PTPN1: variants seen among roughly 807,000 people sequenced by gnomAD.
PTPN1 encodes protein tyrosine phosphatase non-receptor type 1, also known as tyrosine-protein phosphatase non-receptor type 1.
Under a neutral mutation model 59.9 loss-of-function variants are expected in PTPN1, and 12 were observed. The ratio of observed to expected loss-of-function variants is 0.20; its 90% CI spans 0.13 to 0.32. PTPN1 has a LOEUF of 0.32. Ranked by LOEUF, PTPN1 falls within the 10% of genes least tolerant of loss-of-function variation. PTPN1 has a pLI of 1.00. For missense variants in PTPN1, 356 were observed against 549.2 expected, an observed-to-expected ratio of 0.65 and a Z score of 3.52; for synonymous variants, 178 against 203.6, an observed-to-expected ratio of 0.87 and a Z score of 1.07.
At chr20:50,514,790 T>C (rs1452348640) in intron 1 of PTPN1, among the ~76,000 whole-genome samples, 1 of 152,238 alleles carries the variant, frequency 6.6e-6, no homozygotes, top group Non-Finnish European at 1.5e-5. Context: ...ATGCTGCCCA[T>C]ATTCAGGAAA....
intron 3 of PTPN1, 135 bp downstream of exon 3, chr20:50,565,204 G>A (rs954386945): frequency 1.1e-6 from 1 of 876,710 alleles, no homozygotes; most frequent in Non-Finnish European, 1.7e-6. Context: ...AGCAAGGAAG[G>A]GGGAAAAATC....
chr20:50,583,677 G>A lies in PTPN1; in HGVS notation c.*962G>A, dbSNP rs1446475608. ...AGTCATTGTCGCTCAGCAATAGGGT[G>A]CAGTTTTCCAGGAATAGGCATTTGC... On this transcript the variant is annotated 3_prime_UTR_variant, in exon 10 of 10. Coordinates refer to ENST00000371621, the MANE Select transcript of PTPN1 (RefSeq NM_002827.4). 6.6e-6 allele frequency: 1 copy of A among 152,586 alleles called. No individual in the cohort carries two copies. The highest frequency in any genetic ancestry group is 2.4e-5 in the African/African-American group (1 of 41,464). 9.5% of individuals were successfully genotyped at this position (152,586 alleles called of 1,614,324 possible).
intron 4 of PTPN1, 156 bp from the exon 5 acceptor site, chr20:50,574,361 C>A: frequency 1.4e-6 from 1 of 736,168 alleles, no homozygotes; most frequent in South Asian, 2.3e-5. Flanking sequence ...CCCCCATCTC[C>A]CCATGAGGCA....
intron 5 of PTPN1, among the ~76,000 whole-genome samples, chr20:50,576,075 C>T (rs758048767): frequency 2.6e-5 from 4 of 152,116 alleles, no homozygotes; most frequent in South Asian, 2.1e-4. Flanking sequence ...TGGTGGTGAC[C>T]GCGCCGGAGT....
chr20:50,526,194 G>A lies in PTPN1; in HGVS notation c.63+15604G>A, dbSNP rs536392467. Among the ~76,000 whole-genome samples the A allele has an allele frequency of 2.6e-5, 4 of 152,186 alleles. No individual in the cohort carries two copies. In the East Asian group the frequency reaches 5.8e-4, roughly 22 times the overall value. On this transcript the variant is annotated intron_variant, in intron 1 of 9. Transcript: ENST00000371621. Reference sequence around the variant, plus strand: ...CTAGTCAATAAATTGCCATAGTGGGGAATTGCTTAATTGCTTGCCTTCTGT... The same window carrying A: ...CTAGTCAATAAATTGCCATAGTGGGAAATTGCTTAATTGCTTGCCTTCTGT...
intron 4 of PTPN1, chr20:50,573,917 TATCAAAATAGAAC>T (rs1226620993): frequency 1.3e-5 from 2 of 152,248 alleles, no homozygotes. Flanking sequence ...TGTCTGAGAT[TATCAAAATAGAAC>T]ATCAAAAGTA....
intron 1 of PTPN1, among the ~76,000 whole-genome samples, chr20:50,560,428 T>TG (rs1252110806): frequency 6.6e-6 from 1 of 152,244 alleles, no homozygotes; most frequent in Admixed American, 6.5e-5. Context: ...CCTTCCTGAC[T>TG]GGGAGCACAG....
At chr20:50,520,573 A>G (rs1391921457) in intron 1 of PTPN1, among the ~76,000 whole-genome samples, 1 of 152,190 alleles carries the variant, frequency 6.6e-6, no homozygotes, top group South Asian at 2.1e-4. Flanking sequence ...GGCTGTGTAT[A>G]GGAAACCTTC....
At chr20:50,541,829 C>T (rs1195926126) in intron 1 of PTPN1, among the ~76,000 whole-genome samples, 1 of 152,120 alleles carries the variant, frequency 6.6e-6, no homozygotes, top group African/African-American at 2.4e-5. Context: ...TTGAGGCCAA[C>T]CAAAGTCGGC....
intron 1 of PTPN1, among the ~76,000 whole-genome samples, chr20:50,553,025 T>A (rs2082710153): frequency 1.3e-5 from 2 of 152,218 alleles, no homozygotes; most frequent in African/African-American, 4.8e-5. Context: ...TTAGTACTTA[T>A]CAGCTGACAT....
chr20:50,549,947 C>T (rs570706574), intron 1 of PTPN1, among the ~76,000 whole-genome samples: 5 of 152,138 alleles, frequency 3.3e-5, no homozygotes, highest in East Asian at 1.9e-4. Context: ...GTATATTCCT[C>T]GGAGTATACT....
chr20:50,539,766 AT>A (rs1198291063), intron 1 of PTPN1, among the ~76,000 whole-genome samples: 3 of 147,164 alleles, frequency 2.0e-5, no homozygotes, highest in African/African-American at 7.6e-5. Context: ...GGAACAAAGG[AT>A]TTTTTTAACC....
chr20:50,522,877 C>A lies in PTPN1; in HGVS notation c.63+12287C>A, dbSNP rs535625481. 2.6e-5 allele frequency among the ~76,000 whole-genome samples: 4 copies of A among 152,206 alleles called. 1 individual carries two copies. In the South Asian group the frequency reaches 8.3e-4, roughly 32 times the overall value. Reference sequence around the variant, plus strand: ...CAAGTGATTCTCCTGCCTCAGCCTCCCGAGTAGCTGGGATTACAGGTGCCT... The same window carrying A: ...CAAGTGATTCTCCTGCCTCAGCCTCACGAGTAGCTGGGATTACAGGTGCCT... On this transcript the variant is annotated intron_variant, in intron 1 of 9. Coordinates refer to ENST00000371621, the MANE Select transcript of PTPN1 (RefSeq NM_002827.4).
At chr20:50,539,056 A>G (rs1287639980) in intron 1 of PTPN1, among the ~76,000 whole-genome samples, 2 of 129,274 alleles carry the variant, frequency 1.5e-5, no homozygotes, top group Non-Finnish European at 3.2e-5. Context: ...TTTTTTTGAG[A>G]AAGAGTTTCG....
chr20:50,535,088 A>C (rs1010168458), intron 1 of PTPN1, among the ~76,000 whole-genome samples: 3 of 152,100 alleles, frequency 2.0e-5, no homozygotes, highest in Non-Finnish European at 4.4e-5. Flanking sequence ...CCCAAGCCTT[A>C]GTTCAGGCCC....
At chr20:50,526,862 G>T (rs2082578388) in intron 1 of PTPN1, among the ~76,000 whole-genome samples, 1 of 151,914 alleles carries the variant, frequency 6.6e-6, no homozygotes, top group Admixed American at 6.6e-5. Context: ...CTCTTCCCCT[G>T]TCTTTGTCTT....
intron 1 of PTPN1, among the ~76,000 whole-genome samples, chr20:50,552,696 T>G (rs1189586291): frequency 1.3e-5 from 2 of 152,002 alleles, no homozygotes; most frequent in Non-Finnish European, 2.9e-5. Flanking sequence ...AAATTTTTTT[T>G]TTTTTTTTAA....
In PTPN1 at chr20:50,582,288, C is replaced by T. The variant is rs983739516; in HGVS notation, c.1285-404C>T. 3.3e-5 allele frequency among the ~76,000 whole-genome samples: 5 copies of T among 152,184 alleles called. No individual in the cohort carries two copies. The highest frequency in any genetic ancestry group is 7.3e-5 in the Non-Finnish European group (5 of 68,036). The stretch of plus-strand genomic sequence containing the variant: ...ACAGGGTGGCCATTGGCATGTCAAC[C>T]CGCTGTTAATTCAGAGAAGTGGGCT... On this transcript the variant is annotated intron_variant, in intron 9 of 9. Coordinates refer to ENST00000371621, the MANE Select transcript of PTPN1 (RefSeq NM_002827.4). This position sits in a 1 kb window ranked among gnomAD's most constrained non-coding sequence, Gnocchi z 4.2.
chr20:50,534,911 T>C (rs959481613), intron 1 of PTPN1, among the ~76,000 whole-genome samples: 7 of 152,046 alleles, frequency 4.6e-5, no homozygotes, highest in African/African-American at 1.7e-4. Flanking sequence ...TTTTATTTTT[T>C]ATAGAGACAG....
Sources: allele counts gnomAD v4.1 joint callset (sites outside exome capture counted in the v4.1 genomes callset), GRCh38; gene constraint gnomAD v4.1.1; non-coding constraint Gnocchi (gnomAD v3.1); transcripts MANE v1.5; gene names NCBI Gene and HGNC (gene_info 2026-07-23, HGNC 2026-07-21).